ZDHHC23: variants seen among roughly 807,000 people sequenced by gnomAD.
The protein encoded by ZDHHC23 is zDHHC palmitoyltransferase 23.
ZDHHC23 carries 41 observed loss-of-function variants against 40.2 expected under a neutral mutation model. The observed-to-expected ratio is 1.02, with a 90% CI of 0.79 to 1.32. The LOEUF (loss-of-function observed/expected upper bound fraction) is 1.32. Among genes scored for constraint, ZDHHC23 ranks in the 40% most tolerant of loss-of-function variants. ZDHHC23 has a pLI of 0.00. For synonymous variants in ZDHHC23, 204 were observed against 210.2 expected, an observed-to-expected ratio of 0.97 and a Z score of 0.26; for missense variants, 471 against 541.5, an observed-to-expected ratio of 0.87 and a Z score of 1.29.
rs1047091640 is a variant in ZDHHC23 at position 113,958,764 on chromosome 3, A to G, written c.*134A>G. On this transcript the variant is annotated 3_prime_UTR_variant, in exon 5 of 5. Transcript: ENST00000638807. Reference sequence around the variant, plus strand: ...GGCCATGCTCAGGTTTAGAGACTGGAGTGGGAAGAAGTTAATTTTTCTGAC... The same window carrying G: ...GGCCATGCTCAGGTTTAGAGACTGGGGTGGGAAGAAGTTAATTTTTCTGAC... 2 of 1,560,202 alleles carry G rather than the reference A, an allele frequency of 1.3e-6. No homozygotes were observed. The highest frequency in any genetic ancestry group is 1.7e-6 in the Non-Finnish European group (2 of 1,156,440).
the ZDHHC23 span, among the ~76,000 whole-genome samples, chr3:113,977,529 CTG>C: frequency 0.21 from 32,288 of 152,048 alleles, 4,098 homozygotes; most frequent in Middle Eastern, 0.34. Context: ...TAAAACATAA[CTG>C]TATTTTAAAT....
downstream of ZDHHC23, chr3:113,965,466 T>C (rs1452295339): frequency 3.3e-6 from 2 of 603,128 alleles, no homozygotes; most frequent in Non-Finnish European, 5.6e-6. Flanking sequence ...AATAAAATGC[T>C]GTATAAAAGG....
In ZDHHC23 at chr3:113,960,769, C is replaced by T; in HGVS notation, c.*2139C>T. On this transcript the variant is annotated 3_prime_UTR_variant, in exon 5 of 5. Transcript: ENST00000638807. ...CTTCCTTCCCATGGATAGGAAGGGA[C>T]TCTGTGTATTATTCAGGTTTATTGG... 4.5e-6 allele frequency: 7 copies of T among 1,544,108 alleles called. No homozygotes were observed. The highest frequency in any genetic ancestry group is 1.3e-5 in the South Asian group (1 of 78,110).
intron 4 of ZDHHC23, among the ~76,000 whole-genome samples, chr3:113,957,065 T>TA: frequency 1.3e-5 from 2 of 152,222 alleles, no homozygotes; most frequent in African/African-American, 4.8e-5. Flanking sequence ...GATATGTAGG[T>TA]CAAAATTTCC....
the ZDHHC23 span, among the ~76,000 whole-genome samples, chr3:113,977,193 G>A: frequency 5.3e-5 from 8 of 152,062 alleles, no homozygotes; most frequent in Non-Finnish European, 1.2e-4. Flanking sequence ...GCTACTTGGC[G>A]GGCTGAGGCA....
At chr3:113,949,764 A>G (rs533784607) in intron 2 of ZDHHC23, among the ~76,000 whole-genome samples, 1 of 152,316 alleles carries the variant, frequency 6.6e-6, no homozygotes, top group South Asian at 2.1e-4. Flanking sequence ...GCAACTGCCA[A>G]TTTGTTGACT....
rs986585295 is a variant in ZDHHC23 at position 113,962,221 on chromosome 3, G to A, written c.*3591G>A. The A allele has an allele frequency of 1.3e-5, 2 of 152,342 alleles. No homozygotes were observed. The highest frequency in any genetic ancestry group is 1.9e-4 in the East Asian group (1 of 5,184). The allele number at this position is 152,342 out of a possible 1,614,324, so 9.4% of individuals were successfully genotyped here. On this transcript the variant is annotated 3_prime_UTR_variant, in exon 5 of 5. Coordinates refer to ENST00000638807, the MANE Select transcript of ZDHHC23 (RefSeq NM_001320466.2). The stretch of plus-strand genomic sequence containing the variant: ...CCATCCTAAACTCACTACTGAGTAC[G>A]ATTCAGTATGTTCCTGTGGATGTCT...
chr3:113,957,905 G>C (rs909608564), intron 4 of ZDHHC23: 31 of 489,046 alleles, frequency 6.3e-5, no homozygotes, highest in African/African-American at 6.2e-4. Flanking sequence ...TCATTCCTCA[G>C]CATTGGACTG....
the ZDHHC23 span, among the ~76,000 whole-genome samples, chr3:113,976,569 G>C: frequency 1.3e-5 from 2 of 151,426 alleles, no homozygotes; most frequent in Non-Finnish European, 2.9e-5. Context: ...TATAGTGGCT[G>C]AGAAACAGAA....
chr3:113,953,500 C>CT (rs1194320305), intron 2 of ZDHHC23, among the ~76,000 whole-genome samples, 200 bp from the exon 3 acceptor site: 2 of 152,144 alleles, frequency 1.3e-5, no homozygotes, highest in African/African-American at 4.8e-5. Context: ...ATAATCTTGA[C>CT]TTTAAGTTTT....
downstream of ZDHHC23, chr3:113,965,381 A>T (rs761323047): frequency 1.3e-6 from 2 of 1,492,414 alleles, no homozygotes; most frequent in Admixed American, 2.2e-5. Flanking sequence ...AAGAAGGAAA[A>T]AAGTGAAATG....
chr3:113,959,310 G>A lies in ZDHHC23; in HGVS notation c.*680G>A. 1 of 1,098,418 alleles carries A rather than the reference G, an allele frequency of 9.1e-7. No individual in the cohort carries two copies. The highest frequency in any genetic ancestry group is 1.1e-6 in the Non-Finnish European group (1 of 886,406). 68.0% of individuals were successfully genotyped at this position (1,098,418 alleles called of 1,614,324 possible). On this transcript the variant is annotated 3_prime_UTR_variant, in exon 5 of 5. Transcript: ENST00000638807. ...ATTAGACATGAACTACTCAAACAGA[G>A]AAGATGACCAGATGGATTGATGCTA...
chr3:113,952,913 G>A (rs922835553), intron 2 of ZDHHC23, among the ~76,000 whole-genome samples: 19 of 152,146 alleles, frequency 1.2e-4, no homozygotes, highest in African/African-American at 4.6e-4. Context: ...TACCCTCCTA[G>A]AGGCCCCGTC....
At chr3:113,965,367 A>C (rs768870017), downstream of ZDHHC23, 36 of 1,533,242 alleles carry the variant, frequency 2.3e-5, no homozygotes, top group Non-Finnish European at 3.2e-5. Flanking sequence ...CTCCTTTAAG[A>C]ATAAAGAAGG....
Position 113,959,229 on chromosome 3 carries a change from G to A in ZDHHC23, c.*599G>A. The A allele has an allele frequency of 9.4e-7, 1 of 1,066,354 alleles. No homozygotes were observed. Among genetic ancestry groups the A allele is most frequent in the Non-Finnish European group, 1.1e-6 (1 of 874,290 alleles). The allele number at this position is 1,066,354 out of a possible 1,614,324, so 66.1% of individuals were successfully genotyped here. A position where few individuals can be genotyped will look rare whatever the true frequency, so the allele number is the denominator to read the frequency against. ...AGAATATTGAAGCCAATATTATTAG[G>A]GTAATCAGTTTTCAGCATATACCTT... On this transcript the variant is annotated 3_prime_UTR_variant, in exon 5 of 5. Transcript: ENST00000638807.
the ZDHHC23 span, among the ~76,000 whole-genome samples, chr3:113,974,587 T>C: frequency 6.6e-6 from 1 of 152,232 alleles, no homozygotes; most frequent in Non-Finnish European, 1.5e-5. Flanking sequence ...CCCAAAGTGC[T>C]GGGATTAAGG....
rs1212254476 is a variant in ZDHHC23 at position 113,960,681 on chromosome 3, G to A, written c.*2051G>A. On this transcript the variant is annotated 3_prime_UTR_variant, in exon 5 of 5. Transcript: ENST00000638807. ...GACCAAAATAATTTGGGAGAATTAG[G>A]AATGATGACAATTTTTTTTAACAAC... 6.2e-7 allele frequency: 1 copy of A among 1,606,466 alleles called. No homozygotes were observed. The highest frequency in any genetic ancestry group is 1.1e-5 in the South Asian group (1 of 89,804).
the ZDHHC23 span, among the ~76,000 whole-genome samples, chr3:113,970,892 T>A: frequency 6.6e-6 from 1 of 152,206 alleles, no homozygotes; most frequent in Non-Finnish European, 1.5e-5. Flanking sequence ...ACAAAGGACA[T>A]GAACTCATCA....
At chr3:113,973,288 G>A in the ZDHHC23 span, among the ~76,000 whole-genome samples, 1 of 152,088 alleles carries the variant, frequency 6.6e-6, no homozygotes, top group African/African-American at 2.4e-5. Context: ...AGCTATTACT[G>A]TTTTTGCTAG....
Sources: allele counts gnomAD v4.1 joint callset (sites outside exome capture counted in the v4.1 genomes callset), GRCh38; gene constraint gnomAD v4.1.1; transcripts MANE v1.5; gene names NCBI Gene and HGNC (gene_info 2026-07-23, HGNC 2026-07-21).